SYT9: variants seen among roughly 807,000 people sequenced by gnomAD.
SYT9 encodes synaptotagmin-9.
A neutral mutation model predicts 48.4 loss-of-function variants in SYT9; 22 were observed. That is an observed-to-expected ratio of 0.45 (90% CI 0.32 to 0.65). SYT9 has a LOEUF of 0.65. SYT9 is among the 30% of genes least tolerant of loss of function. SYT9 has a pLI of 0.03. For missense variants in SYT9, 577 were observed against 622.0 expected (o/e 0.93, Z 0.77); for synonymous variants, 265 against 245.0 (o/e 1.08, Z -0.76).
upstream of SYT9, among the ~76,000 whole-genome samples, chr11:7,247,570 CACATAT>C (rs1847806845): frequency 7.4e-6 from 1 of 134,524 alleles, no homozygotes; most frequent in Non-Finnish European, 1.6e-5. Context: ...CACATATATA[CACATAT>C]ACATATATAT....
chr11:7,418,675 T>C (rs1380192755), intron 5 of SYT9, among the ~76,000 whole-genome samples: 1 of 152,224 alleles, frequency 6.6e-6, no homozygotes, highest in Non-Finnish European at 1.5e-5. Flanking sequence ...TCAGTATGGA[T>C]GACAAGGTAC....
At chr11:7,254,621 G>A (rs1224094677) in intron 1 of SYT9, among the ~76,000 whole-genome samples, 1 of 152,118 alleles carries the variant, frequency 6.6e-6, no homozygotes, top group Non-Finnish European at 1.5e-5. Context: ...CAGCAGCCCT[G>A]AGACATGGGT....
intron 3 of SYT9, among the ~76,000 whole-genome samples, chr11:7,412,818 C>T (rs983402498): frequency 3.9e-5 from 6 of 152,176 alleles, no homozygotes; most frequent in African/African-American, 1.2e-4. Context: ...ATGGGCCAGT[C>T]TCATGGTGCT....
chr11:7,326,599 G>A (rs1188899699), intron 3 of SYT9, among the ~76,000 whole-genome samples: 5 of 150,368 alleles, frequency 3.3e-5, no homozygotes, highest in African/African-American at 1.2e-4. Flanking sequence ...CCAAAAAAGA[G>A]CCCGCATCGC....
intron 2 of SYT9, among the ~76,000 whole-genome samples, chr11:7,304,547 C>T (rs924039992): frequency 2.0e-5 from 3 of 152,126 alleles, no homozygotes; most frequent in Admixed American, 6.5e-5. Context: ...TTATGTTAAT[C>T]GAGTTTATCC....
intron 1 of SYT9, among the ~76,000 whole-genome samples, chr11:7,279,436 C>T (rs1848455049): frequency 6.6e-6 from 1 of 152,134 alleles, no homozygotes; most frequent in South Asian, 2.1e-4. Context: ...GAAGATACTT[C>T]CTTATGGGCA....
rs1848357599 is a variant in SYT9, at chr11:7,467,594, C to CTTCT, written c.*794_*795insTTCT. 1 of 152,236 alleles carries CTTCT rather than the reference C, an allele frequency of 6.6e-6. No homozygotes were observed. The highest frequency in any genetic ancestry group is 2.1e-4 in the South Asian group (1 of 4,834). 9.4% of individuals were successfully genotyped at this position (152,236 alleles called of 1,614,324 possible). On this transcript the variant is annotated 3_prime_UTR_variant, in exon 7 of 7. Coordinates refer to ENST00000318881, the MANE Select transcript of SYT9 (RefSeq NM_175733.4). Reference sequence around the variant, plus strand: ...AAAAGTAATTAGTTAGAAGGGCATACATCTCAGTGGCATGAGCATTGTGGA... The same window carrying CTTCT: ...AAAAGTAATTAGTTAGAAGGGCATACTTCTATCTCAGTGGCATGAGCATTGTGGA...
intron 6 of SYT9, among the ~76,000 whole-genome samples, chr11:7,453,811 T>C (rs1848101831): frequency 6.6e-6 from 1 of 152,100 alleles, no homozygotes; most frequent in Non-Finnish European, 1.5e-5. Flanking sequence ...AGGAGGCAGG[T>C]GTGGCCAGGA....
chr11:7,307,422 T>G (rs1345532550), intron 2 of SYT9, among the ~76,000 whole-genome samples: 1 of 152,222 alleles, frequency 6.6e-6, no homozygotes, highest in Non-Finnish European at 1.5e-5. Context: ...TATCTCAACT[T>G]CCACGAGACC....
chr11:7,346,310 C>T (rs11041327), intron 3 of SYT9, among the ~76,000 whole-genome samples: 11,158 of 152,184 alleles, frequency 0.073, 565 homozygotes, highest in East Asian at 0.17. Context: ...AGTGGGGAAG[C>T]CTGGAGATGC....
chr11:7,319,219 C>CTGAG (rs1849297502), intron 3 of SYT9, among the ~76,000 whole-genome samples: 2 of 76,350 alleles, frequency 2.6e-5, no homozygotes, highest in Admixed American at 2.0e-4. Flanking sequence ...TTTTTTGAGA[C>CTGAG]TGAGTCTTGC....
chr11:7,344,227 C>T (rs1187086113), intron 3 of SYT9, among the ~76,000 whole-genome samples: 1 of 152,152 alleles, frequency 6.6e-6, no homozygotes, highest in African/African-American at 2.4e-5. Flanking sequence ...CCTAGTCTCT[C>T]TTCCTAAATC....
chr11:7,377,122 A>G (rs563535992), intron 3 of SYT9, among the ~76,000 whole-genome samples: 2 of 150,466 alleles, frequency 1.3e-5, no homozygotes, highest in South Asian at 4.3e-4. Context: ...TGATCAACCT[A>G]TTGTTCCCTT....
intron 1 of SYT9, among the ~76,000 whole-genome samples, chr11:7,259,896 A>G (rs1350415576): frequency 6.6e-6 from 1 of 152,152 alleles, no homozygotes; most frequent in Non-Finnish European, 1.5e-5. Flanking sequence ...GTGGTTCAAT[A>G]AATAGGGATT....
At chr11:7,454,576 G>GAA (rs79152499) in intron 6 of SYT9, among the ~76,000 whole-genome samples, 5,478 of 152,282 alleles carry the variant, frequency 0.036, 127 homozygotes, top group South Asian at 0.085. Flanking sequence ...TATAGCCAGG[G>GAA]AAAGAAACAT....
intron 1 of SYT9, among the ~76,000 whole-genome samples, chr11:7,298,487 G>T (rs1038900033): frequency 2.0e-5 from 3 of 152,108 alleles, no homozygotes; most frequent in Non-Finnish European, 4.4e-5. Context: ...CTCTTTTGAG[G>T]TGTTGATTTG....
At chr11:7,465,311 A>G (rs1336967574) in intron 6 of SYT9, among the ~76,000 whole-genome samples, 1 of 152,148 alleles carries the variant, frequency 6.6e-6, no homozygotes, top group Non-Finnish European at 1.5e-5. Flanking sequence ...CAGTGAACAC[A>G]CTGGCTTTTA....
chr11:7,290,472 G>A (rs183968852), intron 1 of SYT9, among the ~76,000 whole-genome samples: 9 of 152,238 alleles, frequency 5.9e-5, no homozygotes, highest in African/African-American at 1.9e-4. Flanking sequence ...CTCTGCCTGC[G>A]TGGAGTCTTA....
chr11:7,468,501 C>A lies in SYT9; in HGVS notation c.*1701C>A. 2.5e-6 allele frequency: 1 copy of A among 393,784 alleles called. No individual in the cohort carries two copies. Among genetic ancestry groups the A allele is most frequent in the South Asian group, 1.4e-4 (1 of 6,980 alleles). 24.4% of individuals were successfully genotyped at this position (393,784 alleles called of 1,614,324 possible). Reference sequence around the variant, plus strand: ...CCTCTGCTCAAGGTTCCCCTCTGCTCATCCCTCCTCATTCAGACATCCTCC... The same window carrying A: ...CCTCTGCTCAAGGTTCCCCTCTGCTAATCCCTCCTCATTCAGACATCCTCC... On this transcript the variant is annotated 3_prime_UTR_variant, in exon 7 of 7. Transcript: ENST00000318881.
Sources: allele counts gnomAD v4.1 joint callset (sites outside exome capture counted in the v4.1 genomes callset), GRCh38; gene constraint gnomAD v4.1.1; transcripts MANE v1.5; gene names NCBI Gene and HGNC (gene_info 2026-07-23, HGNC 2026-07-21).